Variants in CORIN observed in about 807,000 individuals in gnomAD.
CORIN encodes the protein atrial natriuretic peptide-converting enzyme.
A neutral mutation model predicts 125.3 loss-of-function variants in CORIN; 117 were observed. That is an observed-to-expected ratio of 0.93 (90% CI 0.80 to 1.09). The LOEUF (loss-of-function observed/expected upper bound fraction) is 1.09, where lower values mean the gene tolerates loss of function less well. Among genes scored for constraint, CORIN ranks in the 50% least tolerant of loss-of-function variants. The pLI, the probability that CORIN is intolerant of heterozygous loss-of-function variation, is 0.00. For missense variants in CORIN, 1,253 were observed against 1,306.7 expected, an observed-to-expected ratio of 0.96 and a Z score of 0.63; for synonymous variants, 450 against 466.4, an observed-to-expected ratio of 0.96 and a Z score of 0.45.
At chr4:47,684,872 C>T (rs982312993) in intron 6 of CORIN, among the ~76,000 whole-genome samples, 11 of 151,886 alleles carry the variant, frequency 7.2e-5, no homozygotes, top group South Asian at 2.1e-4. Context: ...AAAAGGTGCT[C>T]AACGTTATTA....
At position 47,642,023 on chromosome 4, in the gene CORIN, A is replaced by G. The variant is rs1336236562; in HGVS notation, c.2095T>C (p.Ser699Pro). 6.2e-7 allele frequency: 1 copy of G among 1,613,284 alleles called. No individual in the cohort carries two copies. Among genetic ancestry groups the G allele is most frequent in the Non-Finnish European group, 8.5e-7 (1 of 1,179,528 alleles). Residue 699 changes from serine to proline, a missense_variant, in exon 16 of 22, where the codon TCT becomes CCT. Transcript: ENST00000273857. ...GCTCTGTGAACCATCAGAAAGGAAG[A>G]GGAGTTCACATTTATAGAGAGGGTC... ...CVTLSINVNSSSFLMVHRAAT... is the reference protein window; with the variant it reads ...CVTLSINVNSPSFLMVHRAAT...
chr4:47,815,878 A>C (rs1274346988), intron 1 of CORIN, among the ~76,000 whole-genome samples: 1 of 152,200 alleles, frequency 6.6e-6, no homozygotes, highest in Non-Finnish European at 1.5e-5. Context: ...AATCCAAAGG[A>C]GTCAAACAGT....
chr4:47,744,719 T>G, intron 4 of CORIN, 136 bp from the exon 5 acceptor site: 1 of 756,110 alleles, frequency 1.3e-6, no homozygotes, highest in Non-Finnish European at 2.0e-6. Flanking sequence ...AACTTAAATT[T>G]TTACATTCAG....
intron 2 of CORIN, among the ~76,000 whole-genome samples, chr4:47,789,758 C>T (rs547462621): frequency 3.9e-5 from 6 of 152,194 alleles, no homozygotes; most frequent in East Asian, 1.9e-4. Flanking sequence ...CGGTGGCTCA[C>T]GCCTGTAATC....
chr4:47,631,085 GTTAA>G (rs1218488703), intron 16 of CORIN, among the ~76,000 whole-genome samples: 2 of 152,128 alleles, frequency 1.3e-5, no homozygotes, highest in East Asian at 3.9e-4. Flanking sequence ...AGTTATACCA[GTTAA>G]TTAATTGCTA....
Position 47,648,559 on chromosome 4 carries a change from C to A in CORIN, c.1844-3365G>T, listed in dbSNP as rs190615963. On this transcript the variant is annotated intron_variant, in intron 13 of 21. Coordinates refer to ENST00000273857, the MANE Select transcript of CORIN (RefSeq NM_006587.4). ...TGACAGAGGCAGTACCCCCCCACCC[C>A]CAAATGGAATACCTTGTTTCTCTAT... Among the ~76,000 whole-genome samples the A allele has an allele frequency of 2.1e-4, 32 of 152,244 alleles. No individual in the cohort carries two copies. In the East Asian group the frequency reaches 5.4e-3, roughly 26 times the overall value.
intron 1 of CORIN, among the ~76,000 whole-genome samples, chr4:47,836,065 A>C (rs1380846629): frequency 1.3e-5 from 2 of 152,182 alleles, no homozygotes; most frequent in Non-Finnish European, 2.9e-5. Flanking sequence ...CCACACCCAA[A>C]TAACCCCAAA....
chr4:47,602,015 T>C (rs188855215), intron 20 of CORIN, among the ~76,000 whole-genome samples: 2,662 of 150,346 alleles, frequency 0.018, 56 homozygotes, highest in Non-Finnish European at 0.025. Flanking sequence ...CACTTACAGT[T>C]TTTTTTTTTT....
At chr4:47,799,058 C>CT (rs1464187903) in intron 2 of CORIN, among the ~76,000 whole-genome samples, 1 of 151,682 alleles carries the variant, frequency 6.6e-6, no homozygotes, top group Non-Finnish European at 1.5e-5. Flanking sequence ...CATTTTGCTG[C>CT]AAAGGACATG....
intron 21 of CORIN, among the ~76,000 whole-genome samples, chr4:47,598,452 G>A (rs914799247): frequency 6.6e-6 from 1 of 152,200 alleles, no homozygotes; most frequent in East Asian, 1.9e-4. Context: ...GCAAGACCTG[G>A]TTCCTATTAG....
intron 19 of CORIN, among the ~76,000 whole-genome samples, chr4:47,621,992 C>T (rs1722333063): frequency 1.2e-5 from 1 of 82,874 alleles, no homozygotes; most frequent in African/African-American, 4.5e-5. Context: ...AATGCTATCC[C>T]TCCCCCCTCC....
chr4:47,699,775 T>G (rs149831742), intron 5 of CORIN, among the ~76,000 whole-genome samples: 2 of 152,224 alleles, frequency 1.3e-5, no homozygotes, highest in African/African-American at 4.8e-5. Flanking sequence ...TGTGTTACAG[T>G]GTGATGCTCA....
chr4:47,760,896 T>C (rs769443363), intron 4 of CORIN, among the ~76,000 whole-genome samples: 4 of 152,242 alleles, frequency 2.6e-5, no homozygotes, highest in Non-Finnish European at 4.4e-5. Context: ...ATTTATGTCA[T>C]GGAGATGGTT....
intron 1 of CORIN, among the ~76,000 whole-genome samples, chr4:47,824,675 T>C (rs552453107): frequency 6.6e-6 from 1 of 152,308 alleles, no homozygotes; most frequent in South Asian, 2.1e-4. Flanking sequence ...TCTATTGTTA[T>C]GATTCTATTG....
In CORIN at chr4:47,665,023, T is replaced by A. The variant is rs2109672764; in HGVS notation, c.1589+9A>T. The A allele has an allele frequency of 6.4e-7, 1 of 1,571,984 alleles. No individual in the cohort carries two copies. Among genetic ancestry groups the A allele is most frequent in the African/African-American group, 1.4e-5 (1 of 73,934 alleles). ...AAATAAGGGACTGGGGTAGATCCCA[T>A]CATATTACCTGCAAGGAGGGATATG... On this transcript the variant is annotated intron_variant, in intron 11 of 21. Coordinates refer to ENST00000273857, the MANE Select transcript of CORIN (RefSeq NM_006587.4).
At chr4:47,732,284 A>G (rs1727910257) in intron 5 of CORIN, among the ~76,000 whole-genome samples, 1 of 152,180 alleles carries the variant, frequency 6.6e-6, no homozygotes, top group Non-Finnish European at 1.5e-5. Flanking sequence ...AAAGAGTGCT[A>G]CGAATGAAGA....
In CORIN at chr4:47,837,880, A is replaced by G. The variant is rs775673104; in HGVS notation, c.63+7T>C. On this transcript the variant is annotated splice_region_variant and intron_variant, in intron 1 of 21. Coordinates refer to ENST00000273857, the MANE Select transcript of CORIN (RefSeq NM_006587.4). ...GCTGCGGTAGGACAGCGAATCATCGATCTTACCGGCTTTGGGGACCCGGCT... is the reference window on the plus strand; with the variant it reads ...GCTGCGGTAGGACAGCGAATCATCGGTCTTACCGGCTTTGGGGACCCGGCT... 6 of 1,612,996 alleles carry G rather than the reference A, an allele frequency of 3.7e-6. No individual in the cohort carries two copies. The highest frequency in any genetic ancestry group is 5.1e-6 in the Non-Finnish European group (6 of 1,179,298).
intron 19 of CORIN, among the ~76,000 whole-genome samples, chr4:47,614,592 A>T (rs1722003057): frequency 6.6e-6 from 1 of 152,214 alleles, no homozygotes; most frequent in African/African-American, 2.4e-5. Flanking sequence ...TGCTTAATAC[A>T]TTGGAAATGG....
chr4:47,690,656 A>T (rs747783243), intron 6 of CORIN, among the ~76,000 whole-genome samples: 6 of 152,218 alleles, frequency 3.9e-5, no homozygotes, highest in Non-Finnish European at 8.8e-5. Context: ...CTTAGGAACT[A>T]GGCATTTTCT....
Sources: gnomAD v4.1 joint callset for allele counts (sites outside exome capture counted in the v4.1 genomes callset) on GRCh38, gnomAD v4.1.1 for gene constraint, MANE v1.5 for transcripts, NCBI Gene and HGNC (gene_info 2026-07-23, HGNC 2026-07-21) for gene names.